ZBTB20: variants seen among roughly 807,000 people sequenced by gnomAD.
ZBTB20 encodes the protein zinc finger and BTB domain containing 20, also known as zinc finger and BTB domain-containing protein 20.
A neutral mutation model predicts 56.9 loss-of-function variants in ZBTB20; 9 were observed. The ratio of observed to expected loss-of-function variants is 0.16; its 90% confidence interval spans 0.10 to 0.28. ZBTB20 has a LOEUF of 0.28. Ranked by LOEUF, ZBTB20 falls within the 10% of genes least tolerant of loss-of-function variation. The pLI, the probability that ZBTB20 is intolerant of heterozygous loss-of-function variation, is 1.00. For missense variants in ZBTB20, 655 were observed against 1,003.0 expected (o/e 0.65, Z 4.69); for synonymous variants, 417 against 420.7 (o/e 0.99, Z 0.11).
chr3:114,924,978 T>C (rs2076097371), intron 3 of ZBTB20, among the ~76,000 whole-genome samples: 1 of 147,738 alleles, frequency 6.8e-6, no homozygotes, highest in African/African-American at 2.5e-5. Flanking sequence ...CATTTGGTTC[T>C]TCTTTTTTTT....
At chr3:114,847,384 C>T (rs1424626264) in intron 4 of ZBTB20, among the ~76,000 whole-genome samples, 5 of 152,056 alleles carry the variant, frequency 3.3e-5, no homozygotes. Context: ...CTCATTTACA[C>T]TGATCAACCA....
chr3:115,065,142 T>A (rs2082161598), intron 2 of ZBTB20, among the ~76,000 whole-genome samples: 1 of 151,910 alleles, frequency 6.6e-6, no homozygotes, highest in Admixed American at 6.6e-5. Flanking sequence ...TTTATTTGAC[T>A]TTTTTTTGCT....
At chr3:114,780,597 C>G (rs2070011105) in intron 5 of ZBTB20, among the ~76,000 whole-genome samples, 1 of 152,160 alleles carries the variant, frequency 6.6e-6, no homozygotes, top group Admixed American at 6.5e-5. Flanking sequence ...AAGCGATTCT[C>G]CTGCCTCAGC....
intron 8 of ZBTB20, among the ~76,000 whole-genome samples, chr3:114,381,406 C>A (rs1313774804): frequency 2.6e-5 from 4 of 152,198 alleles, no homozygotes; most frequent in African/African-American, 9.7e-5. Flanking sequence ...CAGGTCTCCT[C>A]TCCCCAGGAC....
At chr3:115,052,616 A>C (rs2081596168) in intron 2 of ZBTB20, among the ~76,000 whole-genome samples, 8 of 152,220 alleles carry the variant, frequency 5.3e-5, no homozygotes, top group Admixed American at 5.2e-4. Flanking sequence ...TTGTTCAGGA[A>C]GAAGCTTGTC....
intron 7 of ZBTB20, among the ~76,000 whole-genome samples, chr3:114,418,511 A>G (rs768462207): frequency 1.3e-4 from 20 of 152,050 alleles, no homozygotes; most frequent in Admixed American, 7.2e-4. Flanking sequence ...TAGCCTTATC[A>G]TAAGAAAAAA....
At chr3:114,627,142 T>C (rs1480940280) in intron 6 of ZBTB20, among the ~76,000 whole-genome samples, 2 of 152,214 alleles carry the variant, frequency 1.3e-5, no homozygotes, top group Non-Finnish European at 2.9e-5. Flanking sequence ...CTCTCTTGTA[T>C]ATAATCACTT....
chr3:114,879,831 G>A (rs960387596), intron 4 of ZBTB20, among the ~76,000 whole-genome samples: 4 of 152,014 alleles, frequency 2.6e-5, no homozygotes, highest in African/African-American at 9.7e-5. Context: ...CACCTGTGCT[G>A]GAGGTGGTTA....
intron 6 of ZBTB20, among the ~76,000 whole-genome samples, chr3:114,629,277 A>C (rs1027021284): frequency 2.0e-5 from 3 of 152,218 alleles, no homozygotes; most frequent in African/African-American, 7.2e-5. Flanking sequence ...ATGAGGATCC[A>C]ATAAATTAAT....
At chr3:114,939,087 T>A (rs1025974774) in intron 3 of ZBTB20, among the ~76,000 whole-genome samples, 5 of 145,752 alleles carry the variant, frequency 3.4e-5, no homozygotes, top group Admixed American at 6.6e-5. Flanking sequence ...TCCACAGGTA[T>A]AGCAGCTGGA....
At chr3:114,410,491 G>A (rs2087829552) in intron 7 of ZBTB20, among the ~76,000 whole-genome samples, 1 of 152,152 alleles carries the variant, frequency 6.6e-6, no homozygotes, top group South Asian at 2.1e-4. Context: ...TAGCTTCTGA[G>A]AGACACAGAT....
chr3:114,737,175 A>C (rs2066234755), intron 5 of ZBTB20, among the ~76,000 whole-genome samples: 2 of 152,200 alleles, frequency 1.3e-5, no homozygotes, highest in South Asian at 4.1e-4. Flanking sequence ...GTAGTCTATG[A>C]CACAAAAGTT....
chr3:114,415,532 G>A (rs557775558), intron 7 of ZBTB20, among the ~76,000 whole-genome samples: 30 of 152,114 alleles, frequency 2.0e-4, no homozygotes, highest in African/African-American at 4.6e-4. Context: ...TGGCTTACTC[G>A]GTTAGAACAT....
chr3:114,569,704 G>A (rs937579374), intron 6 of ZBTB20, among the ~76,000 whole-genome samples: 5 of 152,172 alleles, frequency 3.3e-5, no homozygotes, highest in African/African-American at 1.2e-4. Context: ...GCTCCTTTAT[G>A]CTATACAGAT....
intron 4 of ZBTB20, among the ~76,000 whole-genome samples, chr3:114,857,271 C>A (rs2107461490): frequency 6.6e-6 from 1 of 152,280 alleles, no homozygotes; most frequent in Admixed American, 6.5e-5. Context: ...CTTTCCAAAG[C>A]CACCTTCTAA....
chr3:114,964,650 A>G (rs1016833156), intron 3 of ZBTB20, among the ~76,000 whole-genome samples: 1 of 152,080 alleles, frequency 6.6e-6, no homozygotes, highest in Admixed American at 6.6e-5. Flanking sequence ...GACAGCAAAC[A>G]GTGAAGTGTG....
At chr3:114,954,081 C>T (rs879518528) in intron 3 of ZBTB20, among the ~76,000 whole-genome samples, 11 of 152,074 alleles carry the variant, frequency 7.2e-5, no homozygotes, top group East Asian at 1.9e-4. Flanking sequence ...TGAATTTCTG[C>T]TGATCTCACT....
intron 6 of ZBTB20, among the ~76,000 whole-genome samples, chr3:114,578,775 C>T (rs1352497353): frequency 6.6e-6 from 1 of 151,234 alleles, no homozygotes; most frequent in Non-Finnish European, 1.5e-5. Flanking sequence ...ACCCAAGGTC[C>T]TCATTAAATA....
In ZBTB20 at chr3:114,645,835, T is replaced by C. The variant is rs75160033; in HGVS notation, c.-295+47693A>G. The stretch of plus-strand genomic sequence containing the variant: ...TTACACAATTACAAAGAATGTTGTA[T>C]AAAAACTATCTATAAAGCAGGAGAT... On this transcript the variant is annotated intron_variant, in intron 6 of 11. Transcript: ENST00000675478. Among the ~76,000 whole-genome samples, 932 of 152,302 alleles carry C rather than the reference T, an allele frequency of 6.1e-3. 5 individuals carry two copies. Among genetic ancestry groups the C allele is most frequent in the Non-Finnish European group, 0.01 (689 of 68,030 alleles).
Sources: gnomAD v4.1 joint callset for allele counts (sites outside exome capture counted in the v4.1 genomes callset) on GRCh38, gnomAD v4.1.1 for gene constraint, MANE v1.5 for transcripts, NCBI Gene and HGNC (gene_info 2026-07-23, HGNC 2026-07-21) for gene names.